OR9Q1: variants seen among roughly 807,000 people sequenced by gnomAD.
The protein encoded by OR9Q1 is olfactory receptor 9Q1.
For missense variants in OR9Q1, 374 were observed against 378.8 expected, an observed-to-expected ratio of 0.99 and a Z score of 0.11; for synonymous variants, 153 against 148.6, an observed-to-expected ratio of 1.03 and a Z score of -0.22.
intron 2 of OR9Q1, among the ~76,000 whole-genome samples, chr11:58,116,199 A>T (rs1853952629): frequency 6.6e-6 from 1 of 152,288 alleles, no homozygotes; most frequent in South Asian, 2.1e-4. Context: ...AGGTCAACTT[A>T]TGGTCCACAA....
At chr11:58,164,554 A>T (rs1453339357) in intron 2 of OR9Q1, among the ~76,000 whole-genome samples, 1 of 152,178 alleles carries the variant, frequency 6.6e-6, no homozygotes, top group Non-Finnish European at 1.5e-5. Context: ...AGGTGAGGAA[A>T]CTGATCAGGT....
intron 2 of OR9Q1, among the ~76,000 whole-genome samples, chr11:58,073,939 G>A (rs979656822): frequency 1.3e-5 from 2 of 152,172 alleles, no homozygotes; most frequent in African/African-American, 4.8e-5. Flanking sequence ...TGCTGAGAAT[G>A]ATGTCTTCCA....
intron 2 of OR9Q1, among the ~76,000 whole-genome samples, chr11:58,094,943 C>T (rs1202312334): frequency 6.6e-6 from 1 of 152,170 alleles, no homozygotes; most frequent in Non-Finnish European, 1.5e-5. Context: ...ATTACTTCCA[C>T]AAGGGATGAT....
intron 2 of OR9Q1, chr11:58,118,312 A>G (rs1322234974): frequency 5.6e-6 from 3 of 536,600 alleles, no homozygotes; most frequent in African/African-American, 1.9e-5. Flanking sequence ...AGAAGGGGAT[A>G]AGAAGAAAGA....
intron 2 of OR9Q1, among the ~76,000 whole-genome samples, chr11:58,106,294 C>G (rs1853839673): frequency 6.6e-6 from 1 of 151,456 alleles, no homozygotes; most frequent in African/African-American, 2.4e-5. Flanking sequence ...TGTAGGTCTT[C>G]TTTGTATAGA....
intron 2 of OR9Q1, among the ~76,000 whole-genome samples, chr11:58,128,511 T>G (rs1417425090): frequency 1.3e-5 from 2 of 152,120 alleles, no homozygotes; most frequent in Non-Finnish European, 2.9e-5. Flanking sequence ...GGTTACGTAT[T>G]TGAGAAGTTT....
chr11:58,070,137 G>T (rs1454677181), intron 2 of OR9Q1, among the ~76,000 whole-genome samples: 4 of 151,436 alleles, frequency 2.6e-5, no homozygotes, highest in Non-Finnish European at 5.9e-5. Flanking sequence ...GAGTAGCTGG[G>T]ACTACAGGTG....
chr11:58,085,086 G>C (rs76882513), intron 2 of OR9Q1, among the ~76,000 whole-genome samples: 2 of 151,834 alleles, frequency 1.3e-5, no homozygotes, highest in Admixed American at 6.6e-5. Flanking sequence ...GTCCATGTAC[G>C]TTAAAGCAAA....
rs79259030 is a variant in OR9Q1, at chr11:58,102,678, T to C, written c.-15+46731T>C. Among the ~76,000 whole-genome samples, 1,332 of 152,192 alleles carry C rather than the reference T, an allele frequency of 8.8e-3. 29 individuals carry two copies. The highest frequency in any genetic ancestry group is 0.049 in the East Asian group (254 of 5,156). On this transcript the variant is annotated intron_variant, in intron 2 of 2. Coordinates refer to ENST00000335397, the MANE Select transcript of OR9Q1 (RefSeq NM_001005212.4). ...ATTCCCTTATATGTGACTTGACATA[T>C]TCTCTTCCTGTTTTTAGAATTCTCT...
chr11:58,071,151 A>C (rs1466277728), intron 2 of OR9Q1, among the ~76,000 whole-genome samples: 1 of 152,112 alleles, frequency 6.6e-6, no homozygotes, highest in East Asian at 1.9e-4. Context: ...CTTGTTCCCA[A>C]ATGGGCTGCA....
intron 2 of OR9Q1, among the ~76,000 whole-genome samples, chr11:58,079,210 C>T (rs7113760): frequency 0.21 from 31,950 of 151,772 alleles, 4,021 homozygotes; most frequent in Middle Eastern, 0.38. Flanking sequence ...GGTGTACCAC[C>T]GCAACCATCA....
At position 58,061,422 on chromosome 11, in the gene OR9Q1, A is replaced by G. The variant is rs535543539; in HGVS notation, c.-15+5475A>G. 2.0e-5 allele frequency among the ~76,000 whole-genome samples: 3 copies of G among 152,356 alleles called. No homozygotes were observed. The South Asian group carries it at 6.2e-4, about 32-fold the overall frequency. On this transcript the variant is annotated intron_variant, in intron 2 of 2. Transcript: ENST00000335397. ...GGTTATTCCATTGTTAATATCCACA[A>G]TGACTCTAAGAGGCAAATACATTAT...
chr11:58,129,293 A>C (rs1854118732), intron 2 of OR9Q1, among the ~76,000 whole-genome samples: 1 of 147,352 alleles, frequency 6.8e-6, no homozygotes, highest in African/African-American at 2.5e-5. Flanking sequence ...CACTAGCACT[A>C]CCTCTCCTGG....
intron 2 of OR9Q1, chr11:58,109,684 C>G: frequency 4.8e-6 from 2 of 417,982 alleles, no homozygotes; most frequent in South Asian, 3.5e-5. Context: ...GCTGGTTCAC[C>G]TGAAGAAGAT....
chr11:58,177,667 G>A (rs1345632954), intron 2 of OR9Q1, among the ~76,000 whole-genome samples: 1 of 152,200 alleles, frequency 6.6e-6, no homozygotes, highest in Non-Finnish European at 1.5e-5. Context: ...CTTCGTGACT[G>A]TTGATCAATT....
chr11:58,039,204 C>T (rs1281503225), intron 1 of OR9Q1, among the ~76,000 whole-genome samples: 1 of 152,050 alleles, frequency 6.6e-6, no homozygotes, highest in Non-Finnish European at 1.5e-5. Context: ...GGCCAGGCTG[C>T]TCTCAAACTT....
At chr11:58,165,060 C>T (rs1854488392) in intron 2 of OR9Q1, among the ~76,000 whole-genome samples, 1 of 152,176 alleles carries the variant, frequency 6.6e-6, no homozygotes, top group Non-Finnish European at 1.5e-5. Context: ...TAGCACACCA[C>T]TATCTGATAT....
At chr11:58,075,044 C>T (rs1853526463) in intron 2 of OR9Q1, among the ~76,000 whole-genome samples, 1 of 152,106 alleles carries the variant, frequency 6.6e-6, no homozygotes, top group Non-Finnish European at 1.5e-5. Context: ...TAGCATGATG[C>T]CTCTGGCTTT....
intron 2 of OR9Q1, among the ~76,000 whole-genome samples, chr11:58,091,712 TC>T (rs1256967463): frequency 1.4e-4 from 22 of 152,154 alleles, no homozygotes; most frequent in Admixed American, 1.4e-3. Context: ...TAATTTTCTG[TC>T]TTATTGATCT....
Sources: gnomAD v4.1 joint callset for allele counts (sites outside exome capture counted in the v4.1 genomes callset) on GRCh38, gnomAD v4.1.1 for gene constraint, MANE v1.5 for transcripts, NCBI Gene and HGNC (gene_info 2026-07-23, HGNC 2026-07-21) for gene names.